Variants in SLC12A1 observed in about 807,000 individuals in gnomAD.
SLC12A1 encodes solute carrier family 12 member 1.
SLC12A1 carries 89 observed loss-of-function variants against 130.4 expected under a neutral mutation model. The observed-to-expected ratio is 0.68, with a 90% CI of 0.58 to 0.81. SLC12A1 has a LOEUF of 0.81. Ranked by LOEUF, SLC12A1 falls within the 40% of genes least tolerant of loss-of-function variation. The pLI, the probability that SLC12A1 is intolerant of heterozygous loss-of-function variation, is 0.00. For synonymous variants in SLC12A1, 499 were observed against 460.0 expected (o/e 1.08, Z -1.09); for missense variants, 1,310 against 1,336.4 (o/e 0.98, Z 0.31).
chr15:48,211,950 C>A (rs957438597), intron 2 of SLC12A1, among the ~76,000 whole-genome samples: 1 of 152,010 alleles, frequency 6.6e-6, no homozygotes, highest in Non-Finnish European at 1.5e-5. Context: ...TACTGGTGAC[C>A]GTTAATTATA....
chr15:48,230,572 G>A, intron 7 of SLC12A1, 69 bp downstream of exon 7: 1 of 936,536 alleles, frequency 1.1e-6, no homozygotes, highest in Non-Finnish European at 1.7e-6. Flanking sequence ...AGGAGTAGAG[G>A]GAACTCCATA....
At chr15:48,216,706 T>C (rs1030763843) in intron 2 of SLC12A1, among the ~76,000 whole-genome samples, 2 of 152,300 alleles carry the variant, frequency 1.3e-5, no homozygotes, top group Non-Finnish European at 2.9e-5. Flanking sequence ...TAAATAGATC[T>C]CCTAACAAAA....
chr15:48,295,764 A>T (rs911753139), intron 24 of SLC12A1, among the ~76,000 whole-genome samples: 1 of 152,222 alleles, frequency 6.6e-6, no homozygotes, highest in African/African-American at 2.4e-5. Context: ...CTGACGAAAC[A>T]GGAGGCCACC....
chr15:48,285,846 T>G (rs1014166577), intron 21 of SLC12A1, among the ~76,000 whole-genome samples: 1 of 152,236 alleles, frequency 6.6e-6, no homozygotes, highest in Non-Finnish European at 1.5e-5. Flanking sequence ...ACACATTTTA[T>G]AAACAGATGA....
At chr15:48,227,248 T>A in intron 5 of SLC12A1, 2 of 1,083,028 alleles carry the variant, frequency 1.8e-6, no homozygotes, top group South Asian at 2.7e-5. Flanking sequence ...CTATTGGAAG[T>A]GAAAGTAACA....
Position 48,291,733 on chromosome 15 carries a change from T to C in SLC12A1, c.2874-45T>C, listed in dbSNP as rs35718278. 6.0e-3 allele frequency: 6,825 copies of C among 1,144,056 alleles called. 74 individuals are homozygous for C. The highest frequency in any genetic ancestry group is 0.034 in the Middle Eastern group (174 of 5,174). 70.9% of individuals were successfully genotyped at this position (1,144,056 alleles called of 1,614,324 possible). A position where few individuals can be genotyped will look rare whatever the true frequency, so the allele number is the denominator to read the frequency against. ...AAACAAAAAACTCTTTGATTGAAAA[T>C]AGTTAAATATGCAATGATGAAGTAT... On this transcript the variant is annotated intron_variant, in intron 23 of 26. Coordinates refer to ENST00000380993, the MANE Select transcript of SLC12A1 (RefSeq NM_000338.3).
chr15:48,255,679 T>C, intron 15 of SLC12A1, 132 bp from the exon 16 acceptor site: 1 of 622,822 alleles, frequency 1.6e-6, no homozygotes, highest in Non-Finnish European at 2.9e-6. Flanking sequence ...CACTATATTT[T>C]CTCTAATTTG....
Position 48,246,955 on chromosome 15 carries a change from T to A in SLC12A1, c.1499T>A (p.Ile500Asn). Residue 500 changes from isoleucine (I) to asparagine (N), a missense_variant, in exon 12 of 27, where the codon ATC becomes AAC. Coordinates refer to ENST00000380993, the MANE Select transcript of SLC12A1 (RefSeq NM_000338.3). ...SGFGPLITAG[I>N]FSATLSSALA... ...TTCGGCCCCCTCATCACTGCGGGAA[T>A]CTTTTCTGCAACACTCTCCTCCGCC... The A allele has an allele frequency of 6.2e-7, 1 of 1,613,994 alleles. No homozygotes were observed. Among genetic ancestry groups the A allele is most frequent in the Non-Finnish European group, 8.5e-7 (1 of 1,179,888 alleles).
At position 48,207,694 on chromosome 15, in the gene SLC12A1, GCTCAGTAAAAAATCA is replaced by G; in HGVS notation, c.-25_-11del. 2.6e-6 allele frequency: 4 copies of G among 1,520,798 alleles called. No individual in the cohort carries two copies. The highest frequency in any genetic ancestry group is 3.5e-6 in the Non-Finnish European group (4 of 1,136,404). The allele number at this position is 1,520,798 out of a possible 1,614,324, so 94.2% of individuals were successfully genotyped here. A position where few individuals can be genotyped will look rare whatever the true frequency, so the allele number is the denominator to read the frequency against. On this transcript the variant is annotated 5_prime_UTR_variant, in exon 2 of 27. Transcript: ENST00000380993. ...TTTTAAAACAACCACAAAGTAGATA[GCTCAGTAAAAAATCA>G]ATTTTGGAAGATGTCACTGAACAAC... is the stretch of plus-strand genomic sequence containing the variant.
intron 11 of SLC12A1, 127 bp from the exon 12 acceptor site, chr15:48,246,781 CA>C (rs2041586370): frequency 3.7e-6 from 2 of 544,360 alleles, no homozygotes; most frequent in Non-Finnish European, 6.4e-6. Flanking sequence ...CTGTCTCAAA[CA>C]AACAACAACA....
At chr15:48,236,864 T>C (rs2141042624) in intron 9 of SLC12A1, 1 of 486,250 alleles carries the variant, frequency 2.1e-6, no homozygotes. Flanking sequence ...CTGCAAATTA[T>C]AAGCACACCT....
intron 26 of SLC12A1, 128 bp downstream of exon 26, chr15:48,301,510 G>GGA: frequency 4.0e-6 from 2 of 497,244 alleles, no homozygotes; most frequent in African/African-American, 2.2e-5. Flanking sequence ...TTTGGGGGGG[G>GGA]GAACACGTGG....
chr15:48,294,926 T>TATTTATTTATTTATTTATTTA, intron 24 of SLC12A1, among the ~76,000 whole-genome samples: 1 of 150,356 alleles, frequency 6.7e-6, no homozygotes, highest in Non-Finnish European at 1.5e-5. Context: ...TTTATTTATT[T>TATTTATTTATTTATTTATTTA]TTAAGACAGG....
At position 48,230,482 on chromosome 15, in the gene SLC12A1, T is replaced by C. The variant is rs1414356873; in HGVS notation, c.954T>C (p.Ala318=). The change falls in exon 7 of 27, where the codon GCT becomes GCC. Residue 318 remains alanine, a synonymous_variant. Coordinates refer to ENST00000380993, the MANE Select transcript of SLC12A1 (RefSeq NM_000338.3). ...TGATTCTTCTAGGAATTTCAGTAGC[T>C]GGAATGGAATGGGAGGCAAAGGTAA... ...TVVILLGISV[A]GMEWEAKAQV... The C allele has an allele frequency of 6.2e-7, 1 of 1,609,222 alleles. No individual in the cohort carries two copies. Among genetic ancestry groups the C allele is most frequent in the Non-Finnish European group, 8.5e-7 (1 of 1,176,600 alleles).
intron 16 of SLC12A1, among the ~76,000 whole-genome samples, chr15:48,258,360 CA>C (rs35613910): frequency 6.6e-5 from 2 of 30,248 alleles, no homozygotes; most frequent in East Asian, 2.3e-3. Context: ...GACTCCGTCT[CA>C]AAAAAAAAAA....
intron 24 of SLC12A1, among the ~76,000 whole-genome samples, chr15:48,297,918 A>C (rs2042194853): frequency 6.6e-6 from 1 of 152,242 alleles, no homozygotes; most frequent in Non-Finnish European, 1.5e-5. Context: ...CTGTTGAAAT[A>C]GGAAATAAAA....
chr15:48,207,323 C>T (rs1165496030), intron 1 of SLC12A1, among the ~76,000 whole-genome samples: 1 of 152,186 alleles, frequency 6.6e-6, no homozygotes, highest in African/African-American at 2.4e-5. Context: ...TTAATGACTG[C>T]ATTGGAAGTT....
chr15:48,284,170 A>T (rs1005809374), intron 20 of SLC12A1, among the ~76,000 whole-genome samples: 1 of 152,136 alleles, frequency 6.6e-6, no homozygotes, highest in East Asian at 1.9e-4. Flanking sequence ...GCACCCAGAA[A>T]CCTCAGCTTT....
At position 48,246,963 on chromosome 15, in the gene SLC12A1, G is replaced by C; in HGVS notation, c.1507G>C (p.Ala503Pro). Reference protein sequence around the residue: ...GPLITAGIFSATLSSALASLV... With the variant: ...GPLITAGIFSPTLSSALASLV... ...CCTCATCACTGCGGGAATCTTTTCT[G>C]CAACACTCTCCTCCGCCCTGGCCTC... Residue 503 changes from alanine (A) to proline (P), a missense_variant, in exon 12 of 27, where the codon GCA (alanine) becomes CCA (proline). By Grantham distance (27) the Ala-to-Pro change is conservative. Coordinates refer to ENST00000380993, the MANE Select transcript of SLC12A1 (RefSeq NM_000338.3). 1 of 1,613,948 alleles carries C rather than the reference G, an allele frequency of 6.2e-7. No individual in the cohort carries two copies. Among genetic ancestry groups the C allele is most frequent in the Non-Finnish European group, 8.5e-7 (1 of 1,179,884 alleles).
Sources: allele counts gnomAD v4.1 joint callset (sites outside exome capture counted in the v4.1 genomes callset), GRCh38; gene constraint gnomAD v4.1.1; transcripts MANE v1.5; gene names NCBI Gene and HGNC (gene_info 2026-07-23, HGNC 2026-07-21).